The following SVBP variants were observed in gnomAD, a reference collection of about 807,000 sequenced individuals.
SVBP encodes small vasohibin binding protein.
SVBP carries 9 observed loss-of-function variants against 9.2 expected under a neutral mutation model. The observed-to-expected ratio is 0.98, with a 90% CI of 0.59 to 1.71. The LOEUF (loss-of-function observed/expected upper bound fraction) is 1.71, where lower values mean the gene tolerates loss of function less well. Ranked by LOEUF, SVBP falls within the 40% of genes most tolerant of loss-of-function variation. The pLI, the probability that SVBP is intolerant of heterozygous loss-of-function variation, is 0.00. For synonymous variants in SVBP, 27 were observed against 23.9 expected (o/e 1.13, Z -0.37); for missense variants, 63 against 73.2 (o/e 0.86, Z 0.51).
intron 2 of SVBP, among the ~76,000 whole-genome samples, chr1:42,807,913 G>A (rs910650662): frequency 3.9e-5 from 6 of 151,932 alleles, no homozygotes; most frequent in African/African-American, 1.5e-4. Context: ...GGTGGTGGGG[G>A]AGGCTTTATG....
intron 2 of SVBP, among the ~76,000 whole-genome samples, chr1:42,812,321 T>TG (rs1654099565): frequency 6.6e-6 from 1 of 152,228 alleles, no homozygotes; most frequent in African/African-American, 2.4e-5. Context: ...AGCTGGTGGA[T>TG]GCCATGCAGA....
At chr1:42,809,306 GA>G (rs1226002433) in intron 2 of SVBP, among the ~76,000 whole-genome samples, 15 of 151,928 alleles carry the variant, frequency 9.9e-5, no homozygotes, top group Non-Finnish European at 2.1e-4. Context: ...AAGGAAGGGG[GA>G]AAAAATGAAA....
intron 2 of SVBP, among the ~76,000 whole-genome samples, chr1:42,807,713 G>A (rs1407682268): frequency 6.6e-6 from 1 of 151,598 alleles, no homozygotes; most frequent in African/African-American, 2.4e-5. Flanking sequence ...TGGTCTTTAA[G>A]GGATTAGTAG....
chr1:42,809,823 ACAGCCAGT>A (rs994575262), intron 2 of SVBP, among the ~76,000 whole-genome samples: 4 of 152,226 alleles, frequency 2.6e-5, no homozygotes, highest in African/African-American at 9.7e-5. Flanking sequence ...CTGAGTGAAG[ACAGCCAGT>A]CACGGTAACA....
Position 42,809,854 on chromosome 1 carries a change from C to CATATATAACATATATAAA in SVBP, c.115-2355_115-2354insTTTATATATGTTATATAT, listed in dbSNP as rs1654041440. ...AGTCACGGTAACATATATAAAAGGTCAGAAACATTCAAAACAATATATTGT... is the reference window on the plus strand; with the variant it reads ...AGTCACGGTAACATATATAAAAGGTCATATATAACATATATAAAAGAAACATTCAAAACAATATATTGT... On this transcript the variant is annotated intron_variant, in intron 2 of 2. Transcript: ENST00000372521. Among the ~76,000 whole-genome samples, 3 of 151,970 alleles carry CATATATAACATATATAAA rather than the reference C, an allele frequency of 2.0e-5. No individual in the cohort carries two copies. In the South Asian group the frequency reaches 6.2e-4, roughly 32 times the overall value.
At chr1:42,816,268 T>C (rs967295194) in intron 2 of SVBP, 163 bp downstream of exon 2, 8 of 546,908 alleles carry the variant, frequency 1.5e-5, no homozygotes, top group African/African-American at 1.4e-4. Context: ...GGCTGCCACC[T>C]CACCATTCTG....
At chr1:42,811,664 A>G (rs1654087502) in intron 2 of SVBP, among the ~76,000 whole-genome samples, 1 of 152,130 alleles carries the variant, frequency 6.6e-6, no homozygotes, top group South Asian at 2.1e-4. Flanking sequence ...TGGTATTTCT[A>G]TTCCTTTTAA....
intron 2 of SVBP, among the ~76,000 whole-genome samples, chr1:42,809,441 C>A (rs1654033031): frequency 6.6e-6 from 1 of 151,910 alleles, no homozygotes; most frequent in Admixed American, 6.6e-5. Context: ...CTAAAAAAAA[C>A]CTTGCAAACC....
chr1:42,812,371 A>G (rs1385640608), intron 2 of SVBP, among the ~76,000 whole-genome samples: 1 of 152,262 alleles, frequency 6.6e-6, no homozygotes, highest in East Asian at 1.9e-4. Context: ...GCGGCCAAAC[A>G]CAGTCAACAC....
At chr1:42,808,228 A>T in intron 2 of SVBP, among the ~76,000 whole-genome samples, 1 of 142,680 alleles carries the variant, frequency 7.0e-6, no homozygotes, top group East Asian at 2.1e-4. Flanking sequence ...AGTAGAGTGC[A>T]TATATGTTAT....
At chr1:42,812,763 G>A (rs1335293726) in intron 2 of SVBP, among the ~76,000 whole-genome samples, 1 of 152,122 alleles carries the variant, frequency 6.6e-6, no homozygotes, top group African/African-American at 2.4e-5. Flanking sequence ...AAAAGTAGTT[G>A]CAAGAATATG....
intron 2 of SVBP, among the ~76,000 whole-genome samples, chr1:42,808,202 G>C (rs1213551852): frequency 1.6e-5 from 2 of 123,572 alleles, no homozygotes; most frequent in Admixed American, 1.7e-4. Context: ...AGTATATATA[G>C]CTTATATAAG....
chr1:42,807,923 G>C (rs1280268006), intron 2 of SVBP, among the ~76,000 whole-genome samples: 1 of 151,890 alleles, frequency 6.6e-6, no homozygotes, highest in Admixed American at 6.6e-5. Flanking sequence ...GAGGCTTTAT[G>C]TGTAAATAAA....
In SVBP at chr1:42,807,552, G is replaced by A; in HGVS notation, c.115-52C>T. 7 of 1,392,242 alleles carry A rather than the reference G, an allele frequency of 5.0e-6. No homozygotes were observed. The South Asian group carries it at 8.1e-5, about 16-fold the overall frequency. 86.2% of individuals were successfully genotyped at this position (1,392,242 alleles called of 1,614,324 possible). On this transcript the variant is annotated intron_variant, in intron 2 of 2. Coordinates refer to ENST00000372521, the MANE Select transcript of SVBP (RefSeq NM_199342.4). ...TTAGCAATGGAAGCAGCTGCACAAA[G>A]CATCTTCTGACATAACAGGTGGTGC... is the stretch of plus-strand genomic sequence containing the variant.
chr1:42,811,716 G>A (rs1186127727), intron 2 of SVBP, among the ~76,000 whole-genome samples: 2 of 152,154 alleles, frequency 1.3e-5, no homozygotes, highest in African/African-American at 2.4e-5. Context: ...TACCAAGGAG[G>A]AACTGATGAA....
intron 2 of SVBP, among the ~76,000 whole-genome samples, chr1:42,808,106 T>C (rs1431476238): frequency 7.0e-6 from 1 of 142,156 alleles, no homozygotes; most frequent in Admixed American, 7.2e-5. Flanking sequence ...CCAGCAAAGA[T>C]AAGTGTGCAG....
intron 2 of SVBP, among the ~76,000 whole-genome samples, chr1:42,808,301 CCT>C (rs1654010412): frequency 6.9e-6 from 1 of 144,750 alleles, no homozygotes; most frequent in South Asian, 2.1e-4. Context: ...TACTTGCAAA[CCT>C]CTGACATGAC....
chr1:42,807,150 TG>T lies in SVBP; in HGVS notation c.*263del, dbSNP rs1368770027. On this transcript the variant is annotated 3_prime_UTR_variant, in exon 3 of 3. Transcript: ENST00000372521. ...AACAATAGAAAAAGTGTTTTTTGTG[TG>T]TGTTTTTTTTTTTTTTTTAAAAAAA... The T allele has an allele frequency of 1.1e-5, 3 of 270,518 alleles. No individual in the cohort carries two copies. Among genetic ancestry groups the T allele is most frequent in the Non-Finnish European group, 1.3e-5 (2 of 155,038 alleles). The allele number at this position is 270,518 out of a possible 1,614,324, so 16.8% of individuals were successfully genotyped here.
Position 42,816,748 on chromosome 1 carries a change from C to T in SVBP, c.-36-168G>A, listed in dbSNP as rs561361724. 7.6e-6 allele frequency: 4 copies of T among 529,754 alleles called. No individual in the cohort carries two copies. The South Asian group carries it at 9.6e-5, about 13-fold the overall frequency. 32.8% of individuals were successfully genotyped at this position (529,754 alleles called of 1,614,324 possible). A position where few individuals can be genotyped will look rare whatever the true frequency, so the allele number is the denominator to read the frequency against. On this transcript the variant is annotated intron_variant, in intron 1 of 2. Coordinates refer to ENST00000372521, the MANE Select transcript of SVBP (RefSeq NM_199342.4). ...GGGAGTAGGAACCGAGTCCCAAGGC[C>T]ACAACCTCGCTGGGTGTCCCTGGGC...
Sources: allele counts gnomAD v4.1 joint callset (sites outside exome capture counted in the v4.1 genomes callset), GRCh38; gene constraint gnomAD v4.1.1; transcripts MANE v1.5; gene names NCBI Gene and HGNC (gene_info 2026-07-23, HGNC 2026-07-21).